ADH4: variants seen among roughly 807,000 people sequenced by gnomAD.
The protein encoded by ADH4 is all-trans-retinol dehydrogenase [NAD(+)] ADH4.
A neutral mutation model predicts 35.2 loss-of-function variants in ADH4; 31 were observed. The observed-to-expected ratio is 0.88, with a 90% CI of 0.66 to 1.19. The LOEUF is 1.19. Ranked by LOEUF, ADH4 falls within the 50% of genes most tolerant of loss-of-function variation. The pLI, the probability that ADH4 is intolerant of heterozygous loss-of-function variation, is 0.00. For synonymous variants in ADH4, 171 were observed against 160.2 expected (o/e 1.07, Z -0.51); for missense variants, 476 against 458.3 (o/e 1.04, Z -0.35).
At chr4:99,140,713 CA>C (rs558770276) in intron 3 of ADH4, among the ~76,000 whole-genome samples, 334 of 150,230 alleles carry the variant, frequency 2.2e-3, no homozygotes, top group Non-Finnish European at 3.4e-3. Context: ...ACTGAAAATA[CA>C]AAATTAGCCG....
chr4:99,138,006 T>C (rs1182335177), intron 4 of ADH4, among the ~76,000 whole-genome samples: 3 of 152,222 alleles, frequency 2.0e-5, no homozygotes, highest in African/African-American at 4.8e-5. Flanking sequence ...TGAATTTTGC[T>C]CATAACATTC....
intron 8 of ADH4, among the ~76,000 whole-genome samples, chr4:99,126,366 G>GT (rs1353142513): frequency 1.3e-5 from 2 of 152,170 alleles, no homozygotes; most frequent in Non-Finnish European, 2.9e-5. Flanking sequence ...AATGGAAATT[G>GT]TATCAATTTA....
At chr4:99,143,230 C>T (rs903777760) in intron 1 of ADH4, 35 of 701,850 alleles carry the variant, frequency 5.0e-5, no homozygotes, top group Admixed American at 1.4e-4. Flanking sequence ...GTGTGGTCCT[C>T]GGACAAGCAT....
At chr4:99,131,353 G>T (rs1729265028) in intron 6 of ADH4, 151 bp downstream of exon 6, 1 of 872,758 alleles carries the variant, frequency 1.1e-6, no homozygotes, top group Non-Finnish European at 1.7e-6. Context: ...TATAGCTGAG[G>T]GAATGGGAAA....
At position 99,127,256 on chromosome 4, in the gene ADH4, G is replaced by A. The variant is rs778559919; in HGVS notation, c.932C>T (p.Pro311Leu). ...AGTACGGCCGATTATTAGCTCCTCTGGAAAAATAGTCAATCCTTTGCTACC... is the reference window on the plus strand; with the variant it reads ...AGTACGGCCGATTATTAGCTCCTCTAGAAAAATAGTCAATCCTTTGCTACC... ...AAGSKGLTIF[P>L]EELIIGRTIN... is the part of the protein sequence containing the mutation. Residue 311 changes from proline (P) to leucine (L), a missense_variant, in exon 7 of 9, where the codon CCA becomes CTA. Coordinates refer to ENST00000265512, the MANE Select transcript of ADH4 (RefSeq NM_000670.5). 9 of 1,611,580 alleles carry A rather than the reference G, an allele frequency of 5.6e-6. No homozygotes were observed. Among genetic ancestry groups the A allele is most frequent in the Non-Finnish European group, 7.6e-6 (9 of 1,178,610 alleles).
rs540804531 is a variant in ADH4, at chr4:99,130,083, T to TA, written c.843+1420dup. 2.0e-5 allele frequency among the ~76,000 whole-genome samples: 3 copies of TA among 152,294 alleles called. No individual in the cohort carries two copies. In the East Asian group the frequency reaches 5.8e-4, roughly 29 times the overall value. Reference sequence around the variant, plus strand: ...TGTCTACATTAGGTTTTTAATTGCTTAAAAAAATAGTGTTAAGGTTTTTAC... The same window carrying TA: ...TGTCTACATTAGGTTTTTAATTGCTTAAAAAAAATAGTGTTAAGGTTTTTAC... On this transcript the variant is annotated intron_variant, in intron 6 of 8. Transcript: ENST00000265512.
intron 6 of ADH4, among the ~76,000 whole-genome samples, chr4:99,131,233 G>A (rs34936974): frequency 0.21 from 32,050 of 152,084 alleles, 4,053 homozygotes; most frequent in Non-Finnish European, 0.29. Flanking sequence ...AGAAAAATCA[G>A]CATCTACAAA....
At chr4:99,136,254 T>C (rs747295311) in intron 5 of ADH4, among the ~76,000 whole-genome samples, 2 of 152,212 alleles carry the variant, frequency 1.3e-5, no homozygotes, top group African/African-American at 2.4e-5. Flanking sequence ...TGTAGGCTAC[T>C]GGGCCAGATG....
intron 3 of ADH4, among the ~76,000 whole-genome samples, chr4:99,140,701 C>T (rs1483238127): frequency 6.6e-6 from 1 of 151,714 alleles, no homozygotes; most frequent in African/African-American, 2.4e-5. Flanking sequence ...AAACCCGTCT[C>T]TACTGAAAAT....
intron 5 of ADH4, among the ~76,000 whole-genome samples, chr4:99,133,178 C>T (rs1729340567): frequency 6.6e-6 from 1 of 152,164 alleles, no homozygotes; most frequent in Non-Finnish European, 1.5e-5. Flanking sequence ...TAATATGCTG[C>T]ATTACTTGTA....
chr4:99,130,993 T>C (rs1244015341), intron 6 of ADH4, among the ~76,000 whole-genome samples: 1 of 152,192 alleles, frequency 6.6e-6, no homozygotes, highest in Non-Finnish European at 1.5e-5. Context: ...TTCCTATTTA[T>C]GCATTGCAGT....
chr4:99,126,129 G>T (rs1729078652), intron 8 of ADH4, among the ~76,000 whole-genome samples: 1 of 152,172 alleles, frequency 6.6e-6, no homozygotes, highest in Admixed American at 6.5e-5. Flanking sequence ...CCATGACAAA[G>T]CAAGAGAATG....
At chr4:99,128,945 G>A (rs572217918) in intron 6 of ADH4, among the ~76,000 whole-genome samples, 36 of 151,948 alleles carry the variant, frequency 2.4e-4, no homozygotes, top group South Asian at 8.3e-4. Flanking sequence ...TACTATAGGC[G>A]TGTGCCACTA....
intron 1 of ADH4, 90 bp downstream of exon 1, chr4:99,144,115 T>C: frequency 4.2e-6 from 6 of 1,442,270 alleles, no homozygotes; most frequent in Non-Finnish European, 5.8e-6. Flanking sequence ...AGTCACTGCT[T>C]CCTGAGTTCC....
At chr4:99,129,197 A>G (rs1490703256) in intron 6 of ADH4, among the ~76,000 whole-genome samples, 29 of 152,196 alleles carry the variant, frequency 1.9e-4, no homozygotes, top group African/African-American at 7.0e-4. Context: ...AGAGAAATGT[A>G]AAGTTATAAA....
chr4:99,135,411 A>G (rs1560778678), intron 5 of ADH4, among the ~76,000 whole-genome samples: 1 of 152,210 alleles, frequency 6.6e-6, no homozygotes, highest in African/African-American at 2.4e-5. Context: ...CATGGGCAAC[A>G]GAGTGAGACC....
intron 8 of ADH4, among the ~76,000 whole-genome samples, chr4:99,126,006 C>CA (rs5860563): frequency 0.73 from 111,620 of 152,042 alleles, 41,608 homozygotes; most frequent in East Asian, 1. Flanking sequence ...ACTAATCCCC[C>CA]AACCCCTAAG....
Position 99,131,671 on chromosome 4 carries a change from T to A in ADH4, c.676A>T (p.Ile226Leu), listed in dbSNP as rs756644325. Reference sequence around the variant, plus strand: ...TTCTCACTGTTGATGTCAATACCTATGATTCTGGAAGCTCCTGCTGCTTTA... The same window carrying A: ...TTCTCACTGTTGATGTCAATACCTAAGATTCTGGAAGCTCCTGCTGCTTTA... ...GCKAAGASRI[I>L]GIDINSEKFV... Residue 226 changes from isoleucine to leucine, a missense_variant, in exon 6 of 9, where the codon ATA (isoleucine) becomes TTA (leucine). Ile to Leu is a conservative substitution (Grantham distance 5). Transcript: ENST00000265512. 6.2e-7 allele frequency: 1 copy of A among 1,614,160 alleles called. No individual in the cohort carries two copies. The highest frequency in any genetic ancestry group is 1.1e-5 in the South Asian group (1 of 91,078).
chr4:99,144,006 C>G lies in ADH4; in HGVS notation c.18+199G>C, dbSNP rs1220924481. Among the ~76,000 whole-genome samples, 3 of 152,096 alleles carry G rather than the reference C, an allele frequency of 2.0e-5. No homozygotes were observed. The South Asian group carries it at 6.2e-4, about 31-fold the overall frequency. ...GCCATTTAAATAATATTAATATTAA[C>G]TGAACACCCTTCTAATAAACATTTT... On this transcript the variant is annotated intron_variant, in intron 1 of 8. Transcript: ENST00000265512.
Sources: allele counts gnomAD v4.1 joint callset (sites outside exome capture counted in the v4.1 genomes callset), GRCh38; gene constraint gnomAD v4.1.1; transcripts MANE v1.5; gene names NCBI Gene and HGNC (gene_info 2026-07-23, HGNC 2026-07-21).